Variants in CCDC172 observed in about 807,000 individuals in gnomAD.
The protein encoded by CCDC172 is coiled-coil domain containing 172, also known as coiled-coil domain-containing protein 172.
In CCDC172, 30 loss-of-function variants were observed where a neutral mutation model predicts 38.0. That is an observed-to-expected ratio of 0.79 (90% CI 0.59 to 1.07). CCDC172 has a LOEUF of 1.07. Among genes scored for constraint, CCDC172 ranks in the 50% least tolerant of loss-of-function variants. The probability of loss-of-function intolerance (pLI) is 0.00; values close to 1 mark genes in which losing one functional copy is unlikely to be tolerated. For synonymous variants in CCDC172, 78 were observed against 88.3 expected (o/e 0.88, Z 0.66); for missense variants, 297 against 290.1 (o/e 1.02, Z -0.17).
intron 7 of CCDC172, among the ~76,000 whole-genome samples, chr10:116,366,144 A>G (rs1472281194): frequency 1.3e-5 from 2 of 152,132 alleles, no homozygotes; most frequent in African/African-American, 4.8e-5. Context: ...TGTAATTTCT[A>G]AAGTATACTA....
chr10:116,359,816 A>G, intron 7 of CCDC172, among the ~76,000 whole-genome samples: 1 of 152,228 alleles, frequency 6.6e-6, no homozygotes, highest in East Asian at 1.9e-4. Flanking sequence ...TACATGCTTT[A>G]TTTTGTCTAT....
intron 1 of CCDC172, 93 bp from the exon 2 acceptor site, chr10:116,324,854 C>T: frequency 1.6e-6 from 1 of 640,632 alleles, no homozygotes; most frequent in East Asian, 2.7e-5. Context: ...GCGTCGGGCT[C>T]CATCTTCTTG....
At chr10:116,356,522 C>T (rs12218543) in intron 5 of CCDC172, among the ~76,000 whole-genome samples, 11,390 of 151,808 alleles carry the variant, frequency 0.075, 633 homozygotes, top group East Asian at 0.23. Context: ...CAGAGGGAAA[C>T]AAAAGACTTC....
chr10:116,331,798 T>G (rs1393018638), intron 3 of CCDC172, among the ~76,000 whole-genome samples: 1 of 152,144 alleles, frequency 6.6e-6, no homozygotes, highest in Non-Finnish European at 1.5e-5. Context: ...AAGAAGCAGT[T>G]TCACCCCTGC....
chr10:116,325,358 G>C lies in CCDC172; in HGVS notation c.135G>C (p.Leu45=), dbSNP rs1440967552. The C allele has an allele frequency of 1.9e-6, 3 of 1,613,826 alleles. No individual in the cohort carries two copies. In the Admixed American group the frequency reaches 5.0e-5, roughly 27 times the overall value. ...AAATTAAGAAAGCAACGGAGGAGCT[G>C]AATGAAGAGAAAATCAAGCTGGAAT... The part of the protein sequence containing the change: ...REKIKKATEE[L]NEEKIKLESK... The change falls in exon 3 of 9, where the codon CTG becomes CTC. Residue 45 remains leucine, a synonymous_variant. Transcript: ENST00000333254.
At chr10:116,360,599 T>C (rs927794816) in intron 7 of CCDC172, among the ~76,000 whole-genome samples, 1 of 152,200 alleles carries the variant, frequency 6.6e-6, no homozygotes, top group East Asian at 1.9e-4. Flanking sequence ...GACCTCCCCT[T>C]AGTCCCTCAT....
chr10:116,370,320 G>A (rs1006603359), intron 7 of CCDC172, among the ~76,000 whole-genome samples: 5 of 151,684 alleles, frequency 3.3e-5, no homozygotes, highest in Non-Finnish European at 5.9e-5. Flanking sequence ...ACCTTGTACG[G>A]TTTCATTTTT....
chr10:116,360,375 A>G (rs886741294), intron 7 of CCDC172, among the ~76,000 whole-genome samples: 4 of 152,182 alleles, frequency 2.6e-5, no homozygotes, highest in Non-Finnish European at 5.9e-5. Context: ...TCCAGGGCAC[A>G]TAGTGTTCAA....
chr10:116,350,536 C>A (rs1844917818), intron 5 of CCDC172, among the ~76,000 whole-genome samples: 1 of 152,152 alleles, frequency 6.6e-6, no homozygotes, highest in South Asian at 2.1e-4. Flanking sequence ...TTATTTTAAA[C>A]ATTTGGTAAT....
chr10:116,362,917 C>T (rs933288888), intron 7 of CCDC172, among the ~76,000 whole-genome samples: 2 of 152,104 alleles, frequency 1.3e-5, no homozygotes, highest in Non-Finnish European at 2.9e-5. Context: ...GAATCCTTGG[C>T]ACATACTGTA....
At chr10:116,329,381 C>T (rs1413992843) in intron 3 of CCDC172, among the ~76,000 whole-genome samples, 3 of 152,024 alleles carry the variant, frequency 2.0e-5, no homozygotes, top group Admixed American at 2.0e-4. Flanking sequence ...GACCCCAGGG[C>T]CTTTGCACTT....
intron 5 of CCDC172, among the ~76,000 whole-genome samples, chr10:116,350,283 A>T (rs1210383757): frequency 1.3e-5 from 2 of 152,204 alleles, no homozygotes; most frequent in Non-Finnish European, 1.5e-5. Flanking sequence ...ACGGAAACCT[A>T]GAAGACAGTG....
rs760032486 is a variant in CCDC172 at position 116,325,373 on chromosome 10, C to G, written c.150C>G (p.Ile50Met). ...CGGAGGAGCTGAATGAAGAGAAAAT[C>G]AAGCTGGAATCTAAGGTATTGAAAT... ...KATEELNEEK[I>M]KLESKVQQFF... Residue 50 changes from isoleucine to methionine, a missense_variant, in exon 3 of 9, where the codon ATC becomes ATG. Ile to Met is a conservative substitution (Grantham distance 10). Transcript: ENST00000333254. The G allele has an allele frequency of 5.6e-6, 9 of 1,613,166 alleles. No homozygotes were observed. The African/African-American group carries it at 1.1e-4, about 19-fold the overall frequency.
At chr10:116,355,703 T>G (rs1282778893) in intron 5 of CCDC172, among the ~76,000 whole-genome samples, 1 of 152,156 alleles carries the variant, frequency 6.6e-6, no homozygotes, top group Non-Finnish European at 1.5e-5. Flanking sequence ...TGCTAAGTGA[T>G]AGAAGCCAGA....
chr10:116,368,768 A>G (rs915363772), intron 7 of CCDC172, among the ~76,000 whole-genome samples: 1 of 151,982 alleles, frequency 6.6e-6, no homozygotes, highest in Non-Finnish European at 1.5e-5. Context: ...CATTGCTTCT[A>G]AGCACTTTAA....
At chr10:116,373,114 C>G (rs574194833) in intron 7 of CCDC172, among the ~76,000 whole-genome samples, 1 of 152,162 alleles carries the variant, frequency 6.6e-6, no homozygotes, top group South Asian at 2.1e-4. Context: ...TTCAAATGGG[C>G]CAGTCATGGT....
At chr10:116,364,003 T>C (rs1845094522) in intron 7 of CCDC172, among the ~76,000 whole-genome samples, 1 of 151,248 alleles carries the variant, frequency 6.6e-6, no homozygotes, top group Admixed American at 6.6e-5. Context: ...CAAGATTAAA[T>C]GGTAAACTGG....
intron 5 of CCDC172, among the ~76,000 whole-genome samples, chr10:116,348,091 C>T (rs986441278): frequency 1.3e-5 from 2 of 151,642 alleles, no homozygotes; most frequent in African/African-American, 4.8e-5. Flanking sequence ...ACGCTTTTTT[C>T]TTTCTCTGCT....
chr10:116,342,996 C>A (rs2134925273), intron 5 of CCDC172, among the ~76,000 whole-genome samples: 1 of 152,066 alleles, frequency 6.6e-6, no homozygotes, highest in African/African-American at 2.4e-5. Flanking sequence ...ATTACCCAGT[C>A]TCGGGTAGTT....
Sources: allele counts gnomAD v4.1 joint callset (sites outside exome capture counted in the v4.1 genomes callset), GRCh38; gene constraint gnomAD v4.1.1; transcripts MANE v1.5; gene names NCBI Gene and HGNC (gene_info 2026-07-23, HGNC 2026-07-21).